The following PXT1 variants were observed in gnomAD, a reference collection of about 807,000 sequenced individuals.
The protein encoded by PXT1 is peroxisomal testis-specific protein 1.
PXT1 carries 11 observed loss-of-function variants against 11.0 expected under a neutral mutation model. The ratio of observed to expected loss-of-function variants is 1.00; its 90% CI spans 0.63 to 1.66. PXT1 has a LOEUF of 1.66. Ranked by LOEUF, PXT1 falls within the 40% of genes most tolerant of loss-of-function variation. PXT1 has a pLI of 0.00. For synonymous variants in PXT1, 43 were observed against 51.4 expected (o/e 0.84, Z 0.70); for missense variants, 141 against 155.5 (o/e 0.91, Z 0.49).
At chr6:36,395,652 C>T (rs1466934584) in intron 4 of PXT1, among the ~76,000 whole-genome samples, 2 of 151,844 alleles carry the variant, frequency 1.3e-5, no homozygotes, top group Non-Finnish European at 2.9e-5. Context: ...GTGGCCACCA[C>T]ACTCGGCTGG....
At chr6:36,440,496 G>A (rs1165221339) in intron 1 of PXT1, among the ~76,000 whole-genome samples, 2 of 152,060 alleles carry the variant, frequency 1.3e-5, no homozygotes, top group Non-Finnish European at 2.9e-5. Context: ...CGTGAACCTG[G>A]GAGGGGGATT....
intron 3 of PXT1, 109 bp downstream of exon 3, chr6:36,425,805 A>AAAAT (rs1554154141): frequency 1.2e-5 from 4 of 335,600 alleles, no homozygotes; most frequent in South Asian, 6.7e-5. Context: ...AAAAACAAAA[A>AAAAT]ATATATATAT....
At chr6:36,417,949 C>T (rs1774473786) in intron 3 of PXT1, among the ~76,000 whole-genome samples, 3 of 152,026 alleles carry the variant, frequency 2.0e-5, no homozygotes, top group Admixed American at 1.3e-4. Flanking sequence ...GTAATCCCAG[C>T]ACTCTGGGAG....
intron 4 of PXT1, among the ~76,000 whole-genome samples, chr6:36,400,201 C>T (rs1409164242): frequency 6.6e-6 from 1 of 152,190 alleles, no homozygotes; most frequent in African/African-American, 2.4e-5. Context: ...GGGCTGGAGT[C>T]TCAGATCTTG....
intron 3 of PXT1, among the ~76,000 whole-genome samples, chr6:36,411,810 G>T (rs567995546): frequency 6.6e-6 from 1 of 152,170 alleles, no homozygotes; most frequent in South Asian, 2.1e-4. Flanking sequence ...TTAGCCAGGC[G>T]TGGTGATGTG....
intron 3 of PXT1, among the ~76,000 whole-genome samples, chr6:36,410,144 GGAGAGAGA>G: frequency 7.1e-6 from 1 of 140,562 alleles, no homozygotes; most frequent in East Asian, 2.2e-4. Context: ...AAGGAAGGAA[GGAGAGAGA>G]GAGAGAGAGA....
Position 36,414,708 on chromosome 6 carries a change from G to GA in PXT1, c.169+11205dup, listed in dbSNP as rs142458438. ...ACCTTTGGAATGCTGACACAACATG[G>GA]AAAAAAAATGAGGTTGAAAGTACTG... is the stretch of plus-strand genomic sequence containing the variant. On this transcript the variant is annotated intron_variant, in intron 3 of 4. Coordinates refer to ENST00000454782, the MANE Select transcript of PXT1 (RefSeq NM_152990.4). Among the ~76,000 whole-genome samples, 1,275 of 152,032 alleles carry GA rather than the reference G, an allele frequency of 8.4e-3. 16 individuals carry two copies. Among genetic ancestry groups the GA allele is most frequent in the African/African-American group, 0.029 (1,217 of 41,476 alleles).
intron 3 of PXT1, among the ~76,000 whole-genome samples, chr6:36,415,187 A>G (rs1160713555): frequency 6.6e-6 from 1 of 152,180 alleles, no homozygotes; most frequent in African/African-American, 2.4e-5. Context: ...TCATGCTTGT[A>G]ATCCCAGCAC....
intron 3 of PXT1, among the ~76,000 whole-genome samples, chr6:36,420,562 G>A (rs372459081): frequency 9.9e-5 from 15 of 152,270 alleles, no homozygotes; most frequent in African/African-American, 3.1e-4. Flanking sequence ...AGGGAACTGG[G>A]GGAGTGAGAA....
At chr6:36,436,112 C>CCAAAAAAAAAAAAAAAAAAAA (rs1774759403) in intron 2 of PXT1, among the ~76,000 whole-genome samples, 2 of 25,814 alleles carry the variant, frequency 7.7e-5, no homozygotes, top group Non-Finnish European at 1.9e-4. Context: ...AAAAAGTAAG[C>CCAAAAAAAAAAAAAAAAAAAA]CAAAAAAAAA....
At chr6:36,431,392 C>T (rs367878710) in intron 2 of PXT1, among the ~76,000 whole-genome samples, 4 of 152,102 alleles carry the variant, frequency 2.6e-5, no homozygotes, top group African/African-American at 9.7e-5. Flanking sequence ...TAGCAGTGAA[C>T]AAGACACACA....
Position 36,391,791 on chromosome 6 carries a change from G to GA in PXT1, c.383dup (p.Trp129LeufsTer11), listed in dbSNP as rs766761345. On this transcript the variant is annotated frameshift_variant, in exon 5 of 5. Transcript: ENST00000454782. LOFTEE classifies it high-confidence loss of function. ...CCTTTTACAGCAAATGGTTGTTCCA[G>GA]AAAAAATGCAGCAACACCTGAACTC... The GA allele has an allele frequency of 2.5e-6, 4 of 1,612,342 alleles. No homozygotes were observed. The highest frequency in any genetic ancestry group is 4.5e-5 in the East Asian group (2 of 44,864).
chr6:36,405,341 A>G (rs1427828142), intron 3 of PXT1, among the ~76,000 whole-genome samples: 1 of 152,116 alleles, frequency 6.6e-6, no homozygotes, highest in Non-Finnish European at 1.5e-5. Context: ...AAAAAGTTAC[A>G]GTAAGCTAAG....
intron 3 of PXT1, 109 bp downstream of exon 3, chr6:36,425,805 A>ACAAACAAACAAACAAAATAT (rs763685304): frequency 4.6e-4 from 154 of 335,574 alleles, no homozygotes; most frequent in Admixed American, 1.5e-3. Flanking sequence ...AAAAACAAAA[A>ACAAACAAACAAACAAAATAT]ATATATATAT....
intron 3 of PXT1, among the ~76,000 whole-genome samples, chr6:36,422,994 A>G (rs772434126): frequency 2.0e-5 from 3 of 151,848 alleles, no homozygotes; most frequent in Non-Finnish European, 2.9e-5. Context: ...GTGTATCAGG[A>G]TGGTTGCTCT....
chr6:36,409,220 G>A (rs991177205), intron 3 of PXT1, among the ~76,000 whole-genome samples: 1 of 152,160 alleles, frequency 6.6e-6, no homozygotes, highest in Admixed American at 6.5e-5. Flanking sequence ...CAAAATCAAA[G>A]TATGAAAAAG....
intron 2 of PXT1, among the ~76,000 whole-genome samples, chr6:36,428,377 G>A (rs1485509590): frequency 6.7e-6 from 1 of 149,132 alleles, no homozygotes; most frequent in African/African-American, 2.5e-5. Flanking sequence ...CCCTAGAGGT[G>A]GAGGTTGCAC....
At chr6:36,397,460 C>T (rs1286273300) in intron 4 of PXT1, among the ~76,000 whole-genome samples, 1 of 151,424 alleles carries the variant, frequency 6.6e-6, no homozygotes, top group African/African-American at 2.4e-5. Flanking sequence ...GGACAACAAC[C>T]CATATGCAAA....
rs1232586974 is a variant in PXT1, at chr6:36,391,783, T to A, written c.392A>T (p.Asn131Ile). Residue 131 changes from asparagine to isoleucine, a missense_variant, in exon 5 of 5, where the codon AAC becomes ATC. Coordinates refer to ENST00000454782, the MANE Select transcript of PXT1 (RefSeq NM_152990.4). Reference protein sequence around the residue: ...VQVLLHFFWNNHLL With the variant: ...VQVLLHFFWNIHLL Reference sequence around the variant, plus strand: ...TTTACTTTCCTTTTACAGCAAATGGTTGTTCCAGAAAAAATGCAGCAACAC... The same window carrying A: ...TTTACTTTCCTTTTACAGCAAATGGATGTTCCAGAAAAAATGCAGCAACAC... 6.2e-7 allele frequency: 1 copy of A among 1,611,728 alleles called. No individual in the cohort carries two copies. Among genetic ancestry groups the A allele is most frequent in the Non-Finnish European group, 8.5e-7 (1 of 1,178,240 alleles).
Sources: allele counts gnomAD v4.1 joint callset (sites outside exome capture counted in the v4.1 genomes callset), GRCh38; gene constraint gnomAD v4.1.1; transcripts MANE v1.5; gene names NCBI Gene and HGNC (gene_info 2026-07-23, HGNC 2026-07-21).